KANSL1: variants seen among roughly 807,000 people sequenced by gnomAD.
KANSL1 encodes the protein MLL1/MLL complex subunit KANSL1.
KANSL1 carries 22 observed loss-of-function variants against 103.6 expected under a neutral mutation model. That is an observed-to-expected ratio of 0.21 (90% confidence interval 0.15 to 0.30). KANSL1 has a LOEUF of 0.30. KANSL1 is among the 10% of genes least tolerant of loss of function. The pLI is 1.00. For synonymous variants in KANSL1, 600 were observed against 527.6 expected (o/e 1.14, Z -1.88); for missense variants, 1,337 against 1,399.8 (o/e 0.96, Z 0.72).
At chr17:46,202,632 G>C (rs2147986676) in intron 1 of KANSL1, among the ~76,000 whole-genome samples, 1 of 152,190 alleles carries the variant, frequency 6.6e-6, no homozygotes, top group Middle Eastern at 3.4e-3. Context: ...TATTATAAAA[G>C]AGACCATAAG....
At chr17:46,066,763 AACAC>A (rs754249382) in intron 5 of KANSL1, 31 bp from the exon 6 acceptor site, 1 of 1,517,378 alleles carries the variant, frequency 6.6e-7, no homozygotes, top group Non-Finnish European at 9.1e-7. Flanking sequence ...GTATTCTCAG[AACAC>A]ACAAAGAAAC....
At chr17:46,140,314 TA>T (rs1207650730) in intron 2 of KANSL1, among the ~76,000 whole-genome samples, 1 of 152,178 alleles carries the variant, frequency 6.6e-6, no homozygotes, top group East Asian at 1.9e-4. Flanking sequence ...GTCTTTACAA[TA>T]AATATGGTAC....
At chr17:46,102,843 TTAA>T (rs1214331713) in intron 2 of KANSL1, among the ~76,000 whole-genome samples, 1 of 152,214 alleles carries the variant, frequency 6.6e-6, no homozygotes, top group African/African-American at 2.4e-5. Flanking sequence ...CAGATAGATG[TTAA>T]TAATCAAATA....
At chr17:46,081,946 G>C (rs1456866755) in intron 4 of KANSL1, among the ~76,000 whole-genome samples, 1 of 152,184 alleles carries the variant, frequency 6.6e-6, no homozygotes, top group African/African-American at 2.4e-5. Flanking sequence ...AACCAGGAAA[G>C]AGAAGGAATC....
chr17:46,201,267 C>A (rs1383549829), intron 1 of KANSL1, among the ~76,000 whole-genome samples: 1 of 152,300 alleles, frequency 6.6e-6, no homozygotes, highest in African/African-American at 2.4e-5. Context: ...TTTCTATGTA[C>A]ACTCAGGAAC....
chr17:46,176,824 A>C (rs1032669314), intron 1 of KANSL1, among the ~76,000 whole-genome samples: 5 of 152,156 alleles, frequency 3.3e-5, no homozygotes, highest in African/African-American at 1.2e-4. Context: ...CAATATCCCC[A>C]TAGGATACAC....
chr17:46,127,123 T>C (rs12950536), intron 2 of KANSL1, among the ~76,000 whole-genome samples: 151,084 of 152,356 alleles, frequency 0.99, 74,924 homozygotes, highest in East Asian at 1. Flanking sequence ...TTACAGAACA[T>C]CACCACTTTC....
chr17:46,168,827 T>C (rs1319673414), intron 2 of KANSL1, among the ~76,000 whole-genome samples: 2 of 152,218 alleles, frequency 1.3e-5, no homozygotes, highest in Non-Finnish European at 2.9e-5. Flanking sequence ...TCTTATACAC[T>C]TCACACCCTT....
Position 46,039,703 on chromosome 17 carries a change from G to C in KANSL1, c.2202C>G (p.Ala734=), listed in dbSNP as rs1555734069. Residue 734 remains alanine (A), a splice_region_variant and synonymous_variant, in exon 8 of 15, where the codon GCC becomes GCG. Transcript: ENST00000432791. ...ACTTCCCGGCTCCCTGACACTTACT[G>C]GCTGTTGTTAGGAAGGAGCTGACCA... ...HKLVSSFLTT[A]KLSHHQTRPD... is the part of the protein sequence containing the mutation. The C allele has an allele frequency of 2.5e-5, 41 of 1,612,616 alleles. No individual in the cohort carries two copies. The highest frequency in any genetic ancestry group is 3.4e-5 in the Non-Finnish European group (40 of 1,179,184).
chr17:46,060,023 G>A (rs1168486310), intron 6 of KANSL1, among the ~76,000 whole-genome samples: 1 of 152,088 alleles, frequency 6.6e-6, no homozygotes, highest in Non-Finnish European at 1.5e-5. Context: ...AAAATAATGA[G>A]ATAAAATACT....
chr17:46,141,124 C>T (rs1426934441), intron 2 of KANSL1, among the ~76,000 whole-genome samples: 1 of 151,850 alleles, frequency 6.6e-6, no homozygotes, highest in Non-Finnish European at 1.5e-5. Flanking sequence ...ACTTGTATTT[C>T]TCTTTACAAA....
rs751318218 is a variant in KANSL1, at chr17:46,171,559, T to C, written c.585A>G (p.Gly195=). Residue 195 remains glycine (G), a synonymous_variant, in exon 2 of 15, where the codon GGA becomes GGG. Coordinates refer to ENST00000432791, the MANE Select transcript of KANSL1 (RefSeq NM_015443.4). The part of the protein sequence containing the change: ...SSALHGGEMG[G]SESGDLKGGM... The stretch of plus-strand genomic sequence containing the variant: ...CCCCCTTCAAGTCCCCAGATTCAGA[T>C]CCTCCCATTTCACCCCCATGAAGAG... 1.8e-5 allele frequency: 29 copies of C among 1,608,912 alleles called. No homozygotes were observed. Among genetic ancestry groups the C allele is most frequent in the Non-Finnish European group, 2.3e-5 (27 of 1,177,764 alleles).
At chr17:46,161,700 T>C (rs2045752633) in intron 2 of KANSL1, among the ~76,000 whole-genome samples, 1 of 152,170 alleles carries the variant, frequency 6.6e-6, no homozygotes, top group South Asian at 2.1e-4. Context: ...TAAAACAACT[T>C]ATAAGAACAT....
intron 7 of KANSL1, chr17:46,041,878 TTGTGTGTGTGTGTGTGTG>T (rs146582763): frequency 8.2e-6 from 1 of 122,648 alleles, no homozygotes; most frequent in Non-Finnish European, 1.9e-5. Context: ...GAAATTTATT[TTGTGTGTGTGTGTGTGTG>T]TGTGTGTGTG....
chr17:46,160,760 T>C (rs8075479), intron 2 of KANSL1, among the ~76,000 whole-genome samples: 144,214 of 152,296 alleles, frequency 0.95, 68,286 homozygotes, highest in East Asian at 1. Context: ...TAAACATAAA[T>C]GCCATTATTT....
At chr17:46,096,305 T>TTTTTTC (rs1310863561) in intron 2 of KANSL1, among the ~76,000 whole-genome samples, 33 of 122,520 alleles carry the variant, frequency 2.7e-4, no homozygotes, top group East Asian at 6.0e-4. Flanking sequence ...TACCTGGCTT[T>TTTTTTC]TTTTTCTTTT....
At chr17:46,039,663 C>T (rs369133174) in intron 8 of KANSL1, 39 bp downstream of exon 8, 10 of 1,589,110 alleles carry the variant, frequency 6.3e-6, no homozygotes, top group South Asian at 1.1e-5. Context: ...TGAAAAGTCA[C>T]TGATACTCTG....
chr17:46,031,655 G>T lies in KANSL1; in HGVS notation c.3139C>A (p.Gln1047Lys). 6.2e-7 allele frequency: 1 copy of T among 1,612,592 alleles called. No homozygotes were observed. The highest frequency in any genetic ancestry group is 8.5e-7 in the Non-Finnish European group (1 of 1,178,758). ...TCCAGCTGGTCCTCACACTCCGCCT[G>T]GGGACTGTGCGCCAGGGGGAAGGTC... The part of the protein sequence containing the change: ...RRTFPLAHSP[Q>K]AECEDQLDAQ... The change falls in exon 15 of 15, where the codon CAG becomes AAG. Residue 1047 changes from glutamine (Q) to lysine (K), a missense_variant. Coordinates refer to ENST00000432791, the MANE Select transcript of KANSL1 (RefSeq NM_015443.4).
chr17:46,125,092 G>A (rs1327544523), intron 2 of KANSL1, among the ~76,000 whole-genome samples: 2 of 82,632 alleles, frequency 2.4e-5, no homozygotes, highest in Non-Finnish European at 5.6e-5. Context: ...GAGAGAGGGA[G>A]GGAGGGAGAG....
Sources: gnomAD v4.1 joint callset for allele counts (sites outside exome capture counted in the v4.1 genomes callset) on GRCh38, gnomAD v4.1.1 for gene constraint, MANE v1.5 for transcripts, NCBI Gene and HGNC (gene_info 2026-07-23, HGNC 2026-07-21) for gene names.